The following CNTN4 variants were observed in gnomAD, a reference collection of about 807,000 sequenced individuals.
The protein encoded by CNTN4 is contactin 4, also known as contactin-4.
Under a neutral mutation model 122.5 loss-of-function variants are expected in CNTN4, and 77 were observed. That is an observed-to-expected ratio of 0.63 (90% CI 0.52 to 0.76). The LOEUF is 0.76. Ranked by LOEUF, CNTN4 falls within the 30% of genes least tolerant of loss-of-function variation. The pLI is 0.00. For synonymous variants in CNTN4, 512 were observed against 447.0 expected (o/e 1.15, Z -1.83); for missense variants, 1,256 against 1,259.1 (o/e 1.00, Z 0.04).
In CNTN4 at chr3:2,852,151, G is replaced by A. The variant is rs1264762075; in HGVS notation, c.455-14601G>A. Among the ~76,000 whole-genome samples, 29 of 152,120 alleles carry A rather than the reference G, an allele frequency of 1.9e-4. 1 individual carries two copies. The highest frequency in any genetic ancestry group is 1.9e-3 in the Admixed American group (29 of 15,272). On this transcript the variant is annotated intron_variant, in intron 7 of 24. Coordinates refer to ENST00000418658, the MANE Select transcript of CNTN4 (RefSeq NM_175607.3). ...CTACTTCTATTTGTTAGCATAATAA[G>A]CATGCTAACACTGTATACATGATCA...
At chr3:2,467,596 C>T (rs2075548053) in intron 3 of CNTN4, among the ~76,000 whole-genome samples, 1 of 152,050 alleles carries the variant, frequency 6.6e-6, no homozygotes, top group Non-Finnish European at 1.5e-5. Flanking sequence ...TAATATCTGC[C>T]TTGTGATGAT....
At chr3:2,429,254 G>A (rs548813261) in intron 3 of CNTN4, among the ~76,000 whole-genome samples, 2 of 152,252 alleles carry the variant, frequency 1.3e-5, no homozygotes, top group African/African-American at 4.8e-5. Flanking sequence ...CTACAGATGG[G>A]ATTTTGTTGT....
At chr3:2,191,701 T>TAC (rs1335159198) in intron 2 of CNTN4, among the ~76,000 whole-genome samples, 746 of 32,016 alleles carry the variant, frequency 0.023, 3 homozygotes, top group African/African-American at 0.041. Flanking sequence ...TATGTATATA[T>TAC]ATATATATAC....
chr3:2,619,532 G>T (rs1239228835), intron 4 of CNTN4, among the ~76,000 whole-genome samples: 3 of 152,100 alleles, frequency 2.0e-5, no homozygotes, highest in Non-Finnish European at 4.4e-5. Flanking sequence ...TTTCAAAATT[G>T]TTGATCAGAG....
rs117728452 is a variant in CNTN4, at chr3:2,547,033, T to C, written c.-88-24383T>C. Among the ~76,000 whole-genome samples, 81 of 152,014 alleles carry C rather than the reference T, an allele frequency of 5.3e-4. 2 individuals carry two copies. In the East Asian group the frequency reaches 0.013, roughly 25 times the overall value. The stretch of plus-strand genomic sequence containing the variant: ...GAACATCTAAGACAAATTTAAGACA[T>C]GCCAGTGGAAAAGCTTAGCCACAGA... On this transcript the variant is annotated intron_variant, in intron 3 of 24. Transcript: ENST00000418658.
At chr3:2,961,231 C>CAAAAAA (rs59790353) in intron 13 of CNTN4, among the ~76,000 whole-genome samples, 3,249 of 37,184 alleles carry the variant, frequency 0.087, 351 homozygotes, top group Non-Finnish European at 0.13. Flanking sequence ...CTCCATCTCA[C>CAAAAAA]AAAAAAAAAA....
chr3:2,486,366 T>G (rs116811998), intron 3 of CNTN4, among the ~76,000 whole-genome samples: 2,620 of 152,278 alleles, frequency 0.017, 28 homozygotes, highest in Non-Finnish European at 0.022. Flanking sequence ...TACACTATGA[T>G]AGTCTTATGT....
At chr3:2,248,314 A>G (rs1186759384) in intron 2 of CNTN4, among the ~76,000 whole-genome samples, 3 of 152,030 alleles carry the variant, frequency 2.0e-5, no homozygotes, top group East Asian at 3.9e-4. Flanking sequence ...GTTTGTGTCT[A>G]TGTAAGTAAC....
At chr3:2,650,929 A>G (rs2083330328) in intron 4 of CNTN4, among the ~76,000 whole-genome samples, 1 of 152,208 alleles carries the variant, frequency 6.6e-6, no homozygotes, top group Non-Finnish European at 1.5e-5. Flanking sequence ...ATATCTGTAT[A>G]GATAAGACTA....
intron 2 of CNTN4, among the ~76,000 whole-genome samples, chr3:2,256,021 T>G (rs1332952001): frequency 6.6e-6 from 1 of 151,874 alleles, no homozygotes; most frequent in Non-Finnish European, 1.5e-5. Flanking sequence ...TTGAAAAGAT[T>G]AGCAAAATAG....
intron 13 of CNTN4, among the ~76,000 whole-genome samples, chr3:2,961,047 G>C (rs1292825248): frequency 3.2e-5 from 2 of 62,104 alleles, no homozygotes; most frequent in Non-Finnish European, 7.3e-5. Flanking sequence ...TGGCTAACAC[G>C]GTGAAACCCC....
intron 8 of CNTN4, among the ~76,000 whole-genome samples, chr3:2,872,836 T>C (rs1243102872): frequency 6.6e-6 from 1 of 152,186 alleles, no homozygotes; most frequent in Non-Finnish European, 1.5e-5. Context: ...TAAATGTTTA[T>C]TATACTTCAG....
At chr3:2,120,545 G>A (rs904335761) in intron 2 of CNTN4, among the ~76,000 whole-genome samples, 1 of 150,752 alleles carries the variant, frequency 6.6e-6, no homozygotes, top group Admixed American at 6.6e-5. Flanking sequence ...TGGGATTACA[G>A]GTGCACACCA....
Position 3,053,720 on chromosome 3 carries a change from G to A in CNTN4, c.2812-87G>A, listed in dbSNP as rs163573. ...ACCTCTACATCCCTGCATTTTGCTC[G>A]TGCCCAGAGGTGAAAACAAATGAAT... On this transcript the variant is annotated intron_variant, in intron 23 of 24. Transcript: ENST00000418658. The A allele has an allele frequency of 0.14, 191,939 of 1,399,984 alleles. 15,727 individuals are homozygous for A. Among genetic ancestry groups the A allele is most frequent in the African/African-American group, 0.34 (24,199 of 70,890 alleles). The allele number at this position is 1,399,984 out of a possible 1,614,324, so 86.7% of individuals were successfully genotyped here. A position where few individuals can be genotyped will look rare whatever the true frequency, so the allele number is the denominator to read the frequency against.
At chr3:2,310,988 C>T (rs148880307) in intron 2 of CNTN4, among the ~76,000 whole-genome samples, 2 of 152,180 alleles carry the variant, frequency 1.3e-5, no homozygotes, top group East Asian at 3.9e-4. Flanking sequence ...ACTTTATCCT[C>T]CTGTTTTCCA....
At chr3:2,817,016 T>C (rs1166188989) in intron 6 of CNTN4, among the ~76,000 whole-genome samples, 3 of 152,218 alleles carry the variant, frequency 2.0e-5, no homozygotes, top group Non-Finnish European at 4.4e-5. Flanking sequence ...AAAAGTATCA[T>C]GTTGTTAACT....
chr3:2,175,311 T>C (rs568179372), intron 2 of CNTN4, among the ~76,000 whole-genome samples: 9 of 152,232 alleles, frequency 5.9e-5, no homozygotes, highest in Admixed American at 5.2e-4. Flanking sequence ...ATATCCTAGC[T>C]TGTTTTTCCT....
chr3:3,006,988 A>G (rs936840119), intron 14 of CNTN4, among the ~76,000 whole-genome samples: 5 of 152,232 alleles, frequency 3.3e-5, no homozygotes, highest in East Asian at 1.9e-4. Flanking sequence ...AATGTCTCCA[A>G]GTGCTTAACT....
rs185699484 is a variant in CNTN4, at chr3:2,219,639, A to G, written c.-145+119000A>G. Among the ~76,000 whole-genome samples, 616 of 152,284 alleles carry G rather than the reference A, an allele frequency of 4.0e-3. 4 individuals carry two copies. The highest frequency in any genetic ancestry group is 0.017 in the Middle Eastern group (5 of 294). Reference sequence around the variant, plus strand: ...TCTTTAATTTAGGCTCATATCTACAATAAAATATAATAAAATAATGGCTTT... The same window carrying G: ...TCTTTAATTTAGGCTCATATCTACAGTAAAATATAATAAAATAATGGCTTT... On this transcript the variant is annotated intron_variant, in intron 2 of 24. Coordinates refer to ENST00000418658, the MANE Select transcript of CNTN4 (RefSeq NM_175607.3).
Sources: allele counts gnomAD v4.1 joint callset (sites outside exome capture counted in the v4.1 genomes callset), GRCh38; gene constraint gnomAD v4.1.1; transcripts MANE v1.5; gene names NCBI Gene and HGNC (gene_info 2026-07-23, HGNC 2026-07-21).